The following EIF4G3 variants were observed in gnomAD, a reference collection of about 807,000 sequenced individuals.
EIF4G3 encodes eukaryotic translation initiation factor 4 gamma 3.
EIF4G3 carries 34 observed loss-of-function variants against 186.4 expected under a neutral mutation model. That is an observed-to-expected ratio of 0.18 (90% CI 0.14 to 0.24). The LOEUF (loss-of-function observed/expected upper bound fraction) is 0.24. Among genes scored for constraint, EIF4G3 ranks in the 10% least tolerant of loss-of-function variants. The probability of loss-of-function intolerance (pLI) is 1.00; values close to 1 mark genes in which losing one functional copy is unlikely to be tolerated. For missense variants in EIF4G3, 1,536 were observed against 1,948.5 expected (o/e 0.79, Z 3.99); for synonymous variants, 673 against 679.5 (o/e 0.99, Z 0.15).
At position 20,899,856 on chromosome 1, in the gene EIF4G3, G is replaced by T; in HGVS notation, c.1840C>A (p.Pro614Thr). The change falls in exon 16 of 37, where the codon CCC becomes ACC. Residue 614 changes from proline (P) to threonine (T), a missense_variant. By Grantham distance (38) the Pro-to-Thr change is conservative. Around this residue, in one of 11 missense-constraint regions of EIF4G3, gnomAD observed 560 missense variants for 547.8 expected, o/e 1.02. Transcript: ENST00000602326. ...GCTTTCACTTTTTTTAGGTCAGAGG[G>T]GTCTCTTTCAGGATGAAACCCCTGG... The part of the protein sequence containing the change: ...MSQGFHPERD[P>T]SDLKKVKAVE... 1 of 1,613,916 alleles carries T rather than the reference G, an allele frequency of 6.2e-7. No homozygotes were observed. Among genetic ancestry groups the T allele is most frequent in the Non-Finnish European group, 8.5e-7 (1 of 1,179,970 alleles).
Position 21,050,849 on chromosome 1 carries a change from A to G in EIF4G3, c.-67+17T>C. The G allele has an allele frequency of 1.4e-6, 1 of 689,906 alleles. No homozygotes were observed. The highest frequency in any genetic ancestry group is 1.6e-5 in the South Asian group (1 of 61,892). The allele number at this position is 689,906 out of a possible 1,614,324, so 42.7% of individuals were successfully genotyped here. A position where few individuals can be genotyped will look rare whatever the true frequency, so the allele number is the denominator to read the frequency against. On this transcript the variant is annotated intron_variant, in intron 4 of 36. Transcript: ENST00000602326. Reference sequence around the variant, plus strand: ...TACAGGGACATTTCTTATTTTTTTAAAAAAGGTTTATCTTACTTGAGAGAG... The same window carrying G: ...TACAGGGACATTTCTTATTTTTTTAGAAAAGGTTTATCTTACTTGAGAGAG...
intron 7 of EIF4G3, among the ~76,000 whole-genome samples, chr1:20,988,961 G>C (rs2080227930): frequency 6.8e-6 from 1 of 147,918 alleles, no homozygotes; most frequent in South Asian, 2.2e-4. Context: ...AGCTACTTAG[G>C]AGGCTGAGGT....
intron 35 of EIF4G3, among the ~76,000 whole-genome samples, chr1:20,812,548 T>C (rs1009442178): frequency 4.6e-5 from 7 of 152,208 alleles, no homozygotes; most frequent in African/African-American, 7.2e-5. Flanking sequence ...CTCGCTTCAG[T>C]GACAGAAGTA....
chr1:20,862,393 T>C, intron 22 of EIF4G3, 61 bp from the exon 23 acceptor site: 1 of 1,016,352 alleles, frequency 9.8e-7, no homozygotes, highest in Middle Eastern at 2.1e-4. Context: ...TTTTACCAAT[T>C]TACAGTTATT....
rs55649192 is a variant in EIF4G3 at position 21,075,570 on chromosome 1, C to CAAA, written c.-196+13565_-196+13567dup. On this transcript the variant is annotated intron_variant, in intron 3 of 36. Coordinates refer to ENST00000602326, the MANE Select transcript of EIF4G3 (RefSeq NM_001391906.1). ...GGCAACAGAGTGAGACTCCAACTCA[C>CAAA]AAAAAAAAAAAAAAAAAAAAAAAAA... 8.8e-3 allele frequency among the ~76,000 whole-genome samples: 453 copies of CAAA among 51,484 alleles called. 10 individuals carry two copies. Among genetic ancestry groups the CAAA allele is most frequent in the East Asian group, 0.014 (16 of 1,128 alleles). The allele number at this position is 51,484 out of a possible 152,430, so 33.8% of individuals were successfully genotyped here.
intron 3 of EIF4G3, among the ~76,000 whole-genome samples, chr1:21,080,658 C>A (rs570089780): frequency 1.1e-4 from 16 of 152,024 alleles, no homozygotes; most frequent in Non-Finnish European, 1.5e-5. Context: ...TACAGGTGTG[C>A]GCCACCATGC....
intron 20 of EIF4G3, among the ~76,000 whole-genome samples, chr1:20,874,563 G>C (rs755272206): frequency 6.6e-6 from 1 of 152,074 alleles, no homozygotes; most frequent in Non-Finnish European, 1.5e-5. Flanking sequence ...TTATTAGGCT[G>C]TTTTTTTCCT....
chr1:20,815,253 GA>G (rs1331665843), intron 34 of EIF4G3, among the ~76,000 whole-genome samples: 2 of 90,294 alleles, frequency 2.2e-5, no homozygotes, highest in Non-Finnish European at 4.7e-5. Context: ...CATCGTCTGG[GA>G]GGTGAGGAGC....
intron 12 of EIF4G3, among the ~76,000 whole-genome samples, chr1:20,963,815 G>A (rs74451963): frequency 0.029 from 4,417 of 151,498 alleles, 139 homozygotes; most frequent in East Asian, 0.14. Context: ...ATTAGCTGGC[G>A]TGGTGGCACA....
chr1:20,917,178 AAC>A (rs2154559152), intron 14 of EIF4G3, among the ~76,000 whole-genome samples: 1 of 152,310 alleles, frequency 6.6e-6, no homozygotes, highest in East Asian at 1.9e-4. Context: ...CATACTCAAC[AAC>A]ATATATAAAC....
chr1:21,081,948 CTT>C (rs981259302), intron 3 of EIF4G3, among the ~76,000 whole-genome samples: 2 of 151,262 alleles, frequency 1.3e-5, no homozygotes, highest in African/African-American at 4.9e-5. Flanking sequence ...ACAGCCCCAA[CTT>C]TTTTTTCTTA....
chr1:20,936,092 C>T (rs1372650529), intron 14 of EIF4G3, among the ~76,000 whole-genome samples: 3 of 152,156 alleles, frequency 2.0e-5, no homozygotes, highest in East Asian at 1.9e-4. Context: ...GGAAGAACTA[C>T]GTAAGGGACT....
Position 20,841,041 on chromosome 1 carries a change from CA to C in EIF4G3, c.3889-14del. On this transcript the variant is annotated splice_polypyrimidine_tract_variant and intron_variant, in intron 29 of 36. Transcript: ENST00000602326. ...ACTGCATGGCTTCCTGTTCCAACAGCAAAGAAAGGTTTACTCCAAAATCTGA... is the reference window on the plus strand; with the variant it reads ...ACTGCATGGCTTCCTGTTCCAACAGCAAGAAAGGTTTACTCCAAAATCTGA... 1 of 1,612,572 alleles carries C rather than the reference CA, an allele frequency of 6.2e-7. No individual in the cohort carries two copies. Among genetic ancestry groups the C allele is most frequent in the Non-Finnish European group, 8.5e-7 (1 of 1,179,286 alleles).
intron 35 of EIF4G3, among the ~76,000 whole-genome samples, chr1:20,811,850 AAAAAAGCAACAT>A (rs1408509094): frequency 5.5e-5 from 2 of 36,302 alleles, no homozygotes; most frequent in East Asian, 0.01. Context: ...TGAGTATTTA[AAAAAAGCAACAT>A]AAAAAAGCAA....
chr1:21,062,090 G>A (rs994048815), intron 3 of EIF4G3, among the ~76,000 whole-genome samples: 1 of 151,476 alleles, frequency 6.6e-6, no homozygotes, highest in Non-Finnish European at 1.5e-5. Flanking sequence ...GCAGGGTCTT[G>A]CTCTGTCACT....
Position 21,160,943 on chromosome 1 carries a change from G to C in EIF4G3, c.-272+15232C>G, listed in dbSNP as rs569407160. On this transcript the variant is annotated intron_variant, in intron 2 of 36. Transcript: ENST00000602326. ...CCCAACATTTTGGGAGGCAAAGGTG[G>C]GTGGATCACTTGAGGTCGGGAGTTC... 2.7e-3 allele frequency among the ~76,000 whole-genome samples: 417 copies of C among 152,252 alleles called. 1 individual carries two copies. The highest frequency in any genetic ancestry group is 4.8e-3 in the Non-Finnish European group (325 of 68,018).
At chr1:20,887,981 C>G (rs1208810161) in intron 18 of EIF4G3, among the ~76,000 whole-genome samples, 1 of 152,064 alleles carries the variant, frequency 6.6e-6, no homozygotes, top group African/African-American at 2.4e-5. Context: ...TTAATTTAAT[C>G]CATGCATTTG....
At chr1:20,999,656 C>G in intron 6 of EIF4G3, 1 of 409,064 alleles carries the variant, frequency 2.4e-6, no homozygotes, top group Non-Finnish European at 4.7e-6. Context: ...AAAAAGAAAA[C>G]CCCAACTTAA....
chr1:20,983,371 A>T (rs1308496766), intron 7 of EIF4G3, among the ~76,000 whole-genome samples: 1 of 152,178 alleles, frequency 6.6e-6, no homozygotes, highest in Admixed American at 6.5e-5. Flanking sequence ...AACTACAGGA[A>T]CCATCTTCTA....
Sources: allele counts gnomAD v4.1 joint callset (sites outside exome capture counted in the v4.1 genomes callset), GRCh38; gene constraint gnomAD v4.1.1; regional missense constraint gnomAD v4.1.1; transcripts MANE v1.5; gene names NCBI Gene and HGNC (gene_info 2026-07-23, HGNC 2026-07-21).